The following SDK1 variants were observed in gnomAD, a reference collection of about 807,000 sequenced individuals.
SDK1 encodes the protein sidekick cell adhesion molecule 1, also known as protein sidekick-1.
A neutral mutation model predicts 245.5 loss-of-function variants in SDK1; 157 were observed. The ratio of observed to expected loss-of-function variants is 0.64; its 90% CI spans 0.56 to 0.73. The LOEUF (loss-of-function observed/expected upper bound fraction) is 0.73, where lower values mean the gene tolerates loss of function less well. Ranked by LOEUF, SDK1 falls within the 30% of genes least tolerant of loss-of-function variation. The pLI is 0.00. For synonymous variants in SDK1, 1,647 were observed against 1,278.5 expected (o/e 1.29, Z -6.15); for missense variants, 3,583 against 3,002.3 (o/e 1.19, Z -4.52).
chr7:4,133,252 G>A (rs1292509452), intron 28 of SDK1, among the ~76,000 whole-genome samples: 1 of 152,172 alleles, frequency 6.6e-6, no homozygotes, highest in South Asian at 2.1e-4. Context: ...CAGATGAAAA[G>A]CCTGAATTTT....
At chr7:4,254,497 A>G (rs1787510083) in intron 44 of SDK1, among the ~76,000 whole-genome samples, 2 of 152,164 alleles carry the variant, frequency 1.3e-5, no homozygotes, top group African/African-American at 4.8e-5. Flanking sequence ...CTTTATTGAT[A>G]TTCTTCAATT....
At chr7:3,901,695 T>C (rs1781795631) in intron 5 of SDK1, among the ~76,000 whole-genome samples, 1 of 152,220 alleles carries the variant, frequency 6.6e-6, no homozygotes, top group Non-Finnish European at 1.5e-5. Context: ...CTTAACACTC[T>C]TTACTCACTC....
intron 1 of SDK1, among the ~76,000 whole-genome samples, chr7:3,372,909 T>G (rs1251002603): frequency 6.6e-6 from 1 of 152,220 alleles, no homozygotes. Context: ...TTCCCAATTT[T>G]AAAATACTTT....
At chr7:3,958,880 TG>T in intron 7 of SDK1, 50 bp from the exon 8 acceptor site, 1 of 1,413,624 alleles carries the variant, frequency 7.1e-7, no homozygotes, top group Non-Finnish European at 1.0e-6. Context: ...ATATGGTCTC[TG>T]ACATATCCTT....
chr7:3,977,801 T>C (rs1417963343), intron 13 of SDK1, among the ~76,000 whole-genome samples: 5 of 152,250 alleles, frequency 3.3e-5, no homozygotes, highest in Admixed American at 2.0e-4. Context: ...GAGTGCCTGA[T>C]GTAGTATTTG....
intron 4 of SDK1, among the ~76,000 whole-genome samples, chr7:3,691,756 AG>A (rs1562374753): frequency 6.6e-6 from 1 of 152,206 alleles, no homozygotes; most frequent in Non-Finnish European, 1.5e-5. Context: ...TTTAAAAAAT[AG>A]GGGGCTTGTA....
chr7:3,636,972 C>A (rs760506075), intron 2 of SDK1, among the ~76,000 whole-genome samples: 4 of 152,150 alleles, frequency 2.6e-5, no homozygotes, highest in South Asian at 2.1e-4. Context: ...TTGACCATTT[C>A]TGTGGCTTTG....
rs116261590 is a variant in SDK1 at position 3,709,778 on chromosome 7, A to G, written c.713+67673A>G. On this transcript the variant is annotated intron_variant, in intron 4 of 44. Coordinates refer to ENST00000404826, the MANE Select transcript of SDK1 (RefSeq NM_152744.4). ...TGAAACATTTGCCTAGGTACTTTGCAAGATGAACCAAACTTCTAATATCAA... is the reference window on the plus strand; with the variant it reads ...TGAAACATTTGCCTAGGTACTTTGCGAGATGAACCAAACTTCTAATATCAA... 1.1e-3 allele frequency among the ~76,000 whole-genome samples: 174 copies of G among 152,330 alleles called. 1 individual carries two copies. The highest frequency in any genetic ancestry group is 4.1e-3 in the African/African-American group (169 of 41,584).
chr7:4,095,435 T>TA (rs1782088051), intron 22 of SDK1, among the ~76,000 whole-genome samples: 1 of 152,220 alleles, frequency 6.6e-6, no homozygotes, highest in South Asian at 2.1e-4. Flanking sequence ...CTCAGGGACA[T>TA]ATGGTAAGAT....
chr7:3,691,919 G>A (rs184704168), intron 4 of SDK1, among the ~76,000 whole-genome samples: 63 of 152,238 alleles, frequency 4.1e-4, no homozygotes, highest in African/African-American at 1.5e-3. Flanking sequence ...CTTTTATCCT[G>A]CAGGATTCAC....
chr7:3,552,060 C>T (rs1190776263), intron 1 of SDK1, among the ~76,000 whole-genome samples: 1 of 150,592 alleles, frequency 6.6e-6, no homozygotes, highest in East Asian at 2.0e-4. Context: ...TTTTTTTGAG[C>T]CGGAGCCTCG....
chr7:4,253,977 C>T (rs1296316906), intron 44 of SDK1, among the ~76,000 whole-genome samples: 1 of 151,836 alleles, frequency 6.6e-6, no homozygotes, highest in African/African-American at 2.4e-5. Flanking sequence ...TGCTTTTGCT[C>T]TATATTTTTG....
intron 1 of SDK1, among the ~76,000 whole-genome samples, chr7:3,347,686 T>A (rs983269648): frequency 1.3e-5 from 2 of 152,188 alleles, no homozygotes; most frequent in African/African-American, 2.4e-5. Context: ...TACAAGTTTT[T>A]TCTCCCCATG....
chr7:3,566,295 G>A (rs946129958), intron 1 of SDK1, among the ~76,000 whole-genome samples: 6 of 145,870 alleles, frequency 4.1e-5, no homozygotes, highest in African/African-American at 5.1e-5. Context: ...CGCGATCTTG[G>A]CTCACTGCAA....
intron 1 of SDK1, among the ~76,000 whole-genome samples, chr7:3,570,368 G>C (rs1377320668): frequency 6.6e-6 from 1 of 152,128 alleles, no homozygotes; most frequent in Non-Finnish European, 1.5e-5. Flanking sequence ...CGCCGCCTCT[G>C]ACCTGACGGG....
At chr7:3,687,120 A>G (rs187560902) in intron 4 of SDK1, among the ~76,000 whole-genome samples, 3 of 140,872 alleles carry the variant, frequency 2.1e-5, no homozygotes, top group East Asian at 3.9e-4. Context: ...TCACATGGGC[A>G]TTGTTTCCAA....
intron 1 of SDK1, among the ~76,000 whole-genome samples, chr7:3,538,659 A>G (rs1180988225): frequency 6.6e-6 from 1 of 152,168 alleles, no homozygotes; most frequent in Non-Finnish European, 1.5e-5. Context: ...CCAAGTCCAC[A>G]TGGTTTCCTC....
intron 1 of SDK1, among the ~76,000 whole-genome samples, chr7:3,459,255 C>T (rs536780010): frequency 1.3e-5 from 2 of 152,266 alleles, no homozygotes; most frequent in South Asian, 2.1e-4. Context: ...ATTTGTAGTA[C>T]CTTTTTATAC....
intron 4 of SDK1, among the ~76,000 whole-genome samples, chr7:3,765,045 A>G (rs569228969): frequency 6.6e-6 from 1 of 152,300 alleles, no homozygotes; most frequent in East Asian, 1.9e-4. Flanking sequence ...ATATAACAAC[A>G]TAAAACAAAA....
Sources: allele counts gnomAD v4.1 joint callset (sites outside exome capture counted in the v4.1 genomes callset), GRCh38; gene constraint gnomAD v4.1.1; transcripts MANE v1.5; gene names NCBI Gene and HGNC (gene_info 2026-07-23, HGNC 2026-07-21).